AK8: variants seen among roughly 807,000 people sequenced by gnomAD.
AK8 encodes ATP-AMP transphosphorylase 8.
AK8 carries 44 observed loss-of-function variants against 54.6 expected under a neutral mutation model. That is an observed-to-expected ratio of 0.81 (90% CI 0.63 to 1.04). The LOEUF is 1.04. Among genes scored for constraint, AK8 ranks in the 50% least tolerant of loss-of-function variants. The probability of loss-of-function intolerance (pLI) is 0.00; values close to 1 mark genes in which losing one functional copy is unlikely to be tolerated. For missense variants in AK8, 555 were observed against 613.6 expected, an observed-to-expected ratio of 0.90 and a Z score of 1.01; for synonymous variants, 239 against 245.6, an observed-to-expected ratio of 0.97 and a Z score of 0.25.
intron 1 of AK8, among the ~76,000 whole-genome samples, chr9:132,877,566 G>A (rs560735030): frequency 6.6e-6 from 1 of 152,290 alleles, no homozygotes; most frequent in African/African-American, 2.4e-5. Context: ...CGGGGACGGG[G>A]CCTCGCCCAA....
At chr9:132,811,083 C>T (rs1205505884) in intron 10 of AK8, among the ~76,000 whole-genome samples, 3 of 152,140 alleles carry the variant, frequency 2.0e-5, no homozygotes, top group East Asian at 1.9e-4. Flanking sequence ...CCAACCTCAC[C>T]GACAATCATA....
intron 11 of AK8, among the ~76,000 whole-genome samples, chr9:132,780,972 A>T (rs974751333): frequency 3.3e-5 from 5 of 152,160 alleles, no homozygotes; most frequent in African/African-American, 1.2e-4. Flanking sequence ...GGAGGATGCA[A>T]AAAAACAGTG....
chr9:132,874,949 C>CTGT (rs1844023344), intron 2 of AK8, among the ~76,000 whole-genome samples, 166 bp downstream of exon 2: 1 of 152,194 alleles, frequency 6.6e-6, no homozygotes, highest in Non-Finnish European at 1.5e-5. Flanking sequence ...TCCCTTCTGA[C>CTGT]CTCCCTTCAG....
At chr9:132,861,990 C>T (rs1224323081) in intron 4 of AK8, among the ~76,000 whole-genome samples, 1 of 152,156 alleles carries the variant, frequency 6.6e-6, no homozygotes, top group African/African-American at 2.4e-5. Flanking sequence ...AAATGAAACC[C>T]AGGAGGAATT....
At chr9:132,797,815 T>C (rs932507639) in intron 10 of AK8, among the ~76,000 whole-genome samples, 3 of 152,164 alleles carry the variant, frequency 2.0e-5, no homozygotes, top group African/African-American at 7.2e-5. Context: ...CCGAAGGCCA[T>C]GGGCGGCTCT....
intron 10 of AK8, among the ~76,000 whole-genome samples, chr9:132,810,581 T>G (rs1015245873): frequency 2.0e-4 from 31 of 152,162 alleles, no homozygotes; most frequent in African/African-American, 7.5e-4. Flanking sequence ...AGCAAAATGG[T>G]GCCCATATCT....
chr9:132,727,311 T>C, intron 12 of AK8, 143 bp downstream of exon 12: 1 of 773,066 alleles, frequency 1.3e-6, no homozygotes, highest in Non-Finnish European at 2.2e-6. Context: ...GAACAGCCAG[T>C]TGGATAAAGT....
chr9:132,809,778 G>A (rs1055225554), intron 10 of AK8, among the ~76,000 whole-genome samples: 1 of 152,194 alleles, frequency 6.6e-6, no homozygotes, highest in Admixed American at 6.5e-5. Flanking sequence ...CAAACAGTGG[G>A]GTACACCTGC....
chr9:132,829,112 A>G (rs1229146448), intron 5 of AK8, among the ~76,000 whole-genome samples: 1 of 152,016 alleles, frequency 6.6e-6, no homozygotes, highest in East Asian at 1.9e-4. Flanking sequence ...ATGTGCCACC[A>G]CACCCGGCTA....
chr9:132,733,498 C>T (rs1218305621), intron 11 of AK8, among the ~76,000 whole-genome samples: 1 of 152,250 alleles, frequency 6.6e-6, no homozygotes, highest in African/African-American at 2.4e-5. Flanking sequence ...ACCAAGACTG[C>T]TTGTCGTCAT....
intron 10 of AK8, among the ~76,000 whole-genome samples, chr9:132,804,070 C>T (rs970781281): frequency 6.3e-5 from 9 of 141,834 alleles, no homozygotes; most frequent in African/African-American, 1.9e-4. Context: ...CGCGCCACTG[C>T]GATCCAGCCT....
At chr9:132,806,002 G>A (rs933826587) in intron 10 of AK8, among the ~76,000 whole-genome samples, 1 of 151,976 alleles carries the variant, frequency 6.6e-6, no homozygotes, top group South Asian at 2.1e-4. Flanking sequence ...TGGGTTGGGG[G>A]TACCAAAGGG....
chr9:132,878,404 C>G (rs1336857402), upstream of AK8: 6 of 1,240,040 alleles, frequency 4.8e-6, no homozygotes, highest in Middle Eastern at 3.1e-4. The surrounding 1 kb of genome is among the most constrained non-coding windows in gnomAD (Gnocchi z 4.7). Context: ...GCCCCCGCCC[C>G]GACCTCCCCG....
chr9:132,733,570 T>C (rs1413660574), intron 11 of AK8, among the ~76,000 whole-genome samples: 1 of 152,244 alleles, frequency 6.6e-6, no homozygotes, highest in Non-Finnish European at 1.5e-5. Context: ...AAATGGGTGC[T>C]TGGAGCACGC....
intron 11 of AK8, among the ~76,000 whole-genome samples, chr9:132,767,129 G>A (rs1345395890): frequency 6.6e-6 from 1 of 152,106 alleles, no homozygotes; most frequent in Non-Finnish European, 1.5e-5. Context: ...ATAGACAAAT[G>A]GGGCTTACAT....
At chr9:132,835,183 T>C (rs1055688828) in intron 5 of AK8, among the ~76,000 whole-genome samples, 3 of 152,236 alleles carry the variant, frequency 2.0e-5, no homozygotes, top group African/African-American at 7.2e-5. Context: ...AGAGGGTTTT[T>C]ATTAGTTCCT....
chr9:132,843,215 C>T (rs1842612999), intron 5 of AK8, among the ~76,000 whole-genome samples: 1 of 152,036 alleles, frequency 6.6e-6, no homozygotes, highest in South Asian at 2.1e-4. Flanking sequence ...GGGGCGGGTC[C>T]CTCATGGTTT....
intron 5 of AK8, among the ~76,000 whole-genome samples, chr9:132,845,494 G>T (rs1842712580): frequency 6.6e-6 from 1 of 152,202 alleles, no homozygotes; most frequent in Admixed American, 6.5e-5. Flanking sequence ...ATGCATATTT[G>T]AAAGACTATT....
chr9:132,774,384 A>G lies in AK8; in HGVS notation c.1121+18250T>C, dbSNP rs1839116119. On this transcript the variant is annotated intron_variant, in intron 11 of 12. Coordinates refer to ENST00000298545, the MANE Select transcript of AK8 (RefSeq NM_152572.3). ...TTCTATTTGTGGAAGACTTTTCTTAAAAGTTTTTTTATATATTAAATAATT... is the reference window on the plus strand; with the variant it reads ...TTCTATTTGTGGAAGACTTTTCTTAGAAGTTTTTTTATATATTAAATAATT... Among the ~76,000 whole-genome samples the G allele has an allele frequency of 1.3e-5, 2 of 152,198 alleles. 1 individual carries two copies. Among genetic ancestry groups the G allele is most frequent in the South Asian group, 4.1e-4 (2 of 4,828 alleles).
Sources: gnomAD v4.1 joint callset for allele counts (sites outside exome capture counted in the v4.1 genomes callset) on GRCh38, gnomAD v4.1.1 for gene constraint, Gnocchi (gnomAD v3.1) non-coding constraint, MANE v1.5 for transcripts, NCBI Gene and HGNC (gene_info 2026-07-23, HGNC 2026-07-21) for gene names.